Variants in TXNRD1 observed in about 807,000 individuals in gnomAD.
TXNRD1 encodes the protein thioredoxin reductase 1, cytoplasmic.
A neutral mutation model predicts 80.3 loss-of-function variants in TXNRD1; 57 were observed. The ratio of observed to expected loss-of-function variants is 0.71; its 90% CI spans 0.57 to 0.89. The LOEUF is 0.89. TXNRD1 is among the 40% of genes least tolerant of loss of function. The probability of loss-of-function intolerance (pLI) is 0.00; values close to 1 mark genes in which losing one functional copy is unlikely to be tolerated. For missense variants in TXNRD1, 730 were observed against 803.0 expected, an observed-to-expected ratio of 0.91 and a Z score of 1.10; for synonymous variants, 291 against 285.2, an observed-to-expected ratio of 1.02 and a Z score of -0.20.
chr12:104,273,037 T>G (rs1332545656), intron 3 of TXNRD1, among the ~76,000 whole-genome samples: 1 of 151,988 alleles, frequency 6.6e-6, no homozygotes, highest in Non-Finnish European at 1.5e-5. Flanking sequence ...AGTCTCCGGC[T>G]GCGGCTGCGA....
intron 5 of TXNRD1, among the ~76,000 whole-genome samples, chr12:104,312,725 C>T (rs1003380270): frequency 2.6e-5 from 4 of 152,108 alleles, no homozygotes; most frequent in Admixed American, 6.5e-5. Flanking sequence ...TTTTCATGAG[C>T]GCCTCATGTG....
chr12:104,243,835 G>A (rs1336470400), intron 1 of TXNRD1, among the ~76,000 whole-genome samples: 1 of 152,200 alleles, frequency 6.6e-6, no homozygotes, highest in African/African-American at 2.4e-5. Context: ...GTTTTAGTCT[G>A]TGTTTAGCCT....
intron 3 of TXNRD1, chr12:104,288,580 A>C: frequency 3.0e-6 from 1 of 337,394 alleles, no homozygotes; most frequent in Non-Finnish European, 5.3e-6. Flanking sequence ...ACGTGTATTA[A>C]GCTTCTTTTT....
chr12:104,333,338 G>C (rs1235646354), intron 14 of TXNRD1, among the ~76,000 whole-genome samples: 1 of 151,706 alleles, frequency 6.6e-6, no homozygotes, highest in African/African-American at 2.4e-5. Flanking sequence ...AATTTGCTTT[G>C]TTATTATAGA....
chr12:104,304,965 G>GT (rs747613307), intron 4 of TXNRD1: 100 of 1,530,088 alleles, frequency 6.5e-5, no homozygotes, highest in Admixed American at 1.4e-4. Context: ...TCCTTTTTGT[G>GT]TTTTTTTTCT....
chr12:104,304,096 CCGGGAGGACATCGTGAGCT>C, intron 4 of TXNRD1: 1 of 1,614,004 alleles, frequency 6.2e-7, no homozygotes, highest in Admixed American at 1.7e-5. Flanking sequence ...TGCGGCAGAA[CCGGGAGGACATCGTGAGCT>C]CGGCGAACAA....
intron 1 of TXNRD1, among the ~76,000 whole-genome samples, chr12:104,226,610 T>C (rs2032479589): frequency 1.3e-5 from 2 of 152,214 alleles, no homozygotes; most frequent in South Asian, 2.1e-4. Context: ...TAGTTTCTGT[T>C]ATATCCTTAA....
chr12:104,269,958 A>G (rs1291053001), intron 3 of TXNRD1, among the ~76,000 whole-genome samples: 1 of 151,932 alleles, frequency 6.6e-6, no homozygotes, highest in African/African-American at 2.4e-5. Context: ...AAGCAATCCT[A>G]CGTTGGCCTC....
chr12:104,276,132 C>T (rs2033752073), intron 3 of TXNRD1, among the ~76,000 whole-genome samples: 1 of 152,100 alleles, frequency 6.6e-6, no homozygotes, highest in East Asian at 1.9e-4. Flanking sequence ...GACCTGGGCA[C>T]ATTTGAAGGC....
intron 7 of TXNRD1, 42 bp downstream of exon 7, chr12:104,315,938 G>T: frequency 6.4e-7 from 1 of 1,566,402 alleles, no homozygotes; most frequent in Non-Finnish European, 8.7e-7. Flanking sequence ...TGCTTTTGGG[G>T]GTTTGAGCTG....
intron 4 of TXNRD1, chr12:104,304,410 C>G: frequency 1.2e-6 from 2 of 1,614,014 alleles, no homozygotes; most frequent in Non-Finnish European, 1.7e-6. Flanking sequence ...AAGGAAGCAA[C>G]ATCCTGGATG....
intron 3 of TXNRD1, among the ~76,000 whole-genome samples, chr12:104,277,379 A>C (rs2033778140): frequency 6.7e-6 from 1 of 148,158 alleles, no homozygotes; most frequent in African/African-American, 2.5e-5. Flanking sequence ...CAGCCTGGGC[A>C]ACAAAGTAAG....
chr12:104,347,545 G>C (rs1415768554), intron 16 of TXNRD1, among the ~76,000 whole-genome samples: 1 of 152,138 alleles, frequency 6.6e-6, no homozygotes, highest in African/African-American at 2.4e-5. Flanking sequence ...TGAAAATCTA[G>C]TCAAGCCAAA....
In TXNRD1 at chr12:104,348,512, G is replaced by A; in HGVS notation, c.*91G>A. 7.7e-7 allele frequency: 1 copy of A among 1,299,142 alleles called. No individual in the cohort carries two copies. Among genetic ancestry groups the A allele is most frequent in the Non-Finnish European group, 1.1e-6 (1 of 902,796 alleles). 80.5% of individuals were successfully genotyped at this position (1,299,142 alleles called of 1,614,324 possible). A position where few individuals can be genotyped will look rare whatever the true frequency, so the allele number is the denominator to read the frequency against. ...GCGAAGTTTTCTAGAGGGTTCTTGG[G>A]CTCTTGGCACCTGCGTGTCCTGTGC... On this transcript the variant is annotated 3_prime_UTR_variant, in exon 17 of 17. Coordinates refer to ENST00000525566, the MANE Select transcript of TXNRD1 (RefSeq NM_001093771.3).
rs747967804 is a variant in TXNRD1, at chr12:104,327,600, G to A, written c.1471G>A (p.Glu491Lys). The A allele has an allele frequency of 7.4e-6, 12 of 1,613,574 alleles. No individual in the cohort carries two copies. Among genetic ancestry groups the A allele is most frequent in the Non-Finnish European group, 1.0e-5 (12 of 1,179,818 alleles). The part of the protein sequence containing the change: ...AIGDILEDKV[E>K]LTPVAIQAGR... ...TGGCGATATATTGGAGGATAAGGTG[G>A]AGCTCACCCCAGTTGCAATCCAGGC... is the stretch of plus-strand genomic sequence containing the variant. The change falls in exon 13 of 17, where the codon GAG becomes AAG. Residue 491 changes from glutamate to lysine, a missense_variant. Physicochemically the swap from Glu to Lys is moderately conservative, Grantham distance 56. Coordinates refer to ENST00000525566, the MANE Select transcript of TXNRD1 (RefSeq NM_001093771.3).
At chr12:104,271,977 G>A (rs2033661657) in intron 3 of TXNRD1, among the ~76,000 whole-genome samples, 1 of 151,974 alleles carries the variant, frequency 6.6e-6, no homozygotes, top group Non-Finnish European at 1.5e-5. Flanking sequence ...AATCCCAGTG[G>A]CCAACATGGT....
At chr12:104,228,869 G>A (rs1337975289) in intron 1 of TXNRD1, among the ~76,000 whole-genome samples, 3 of 150,774 alleles carry the variant, frequency 2.0e-5, no homozygotes, top group Non-Finnish European at 3.0e-5. Flanking sequence ...ACAGGCGCCC[G>A]CCACCACACC....
intron 4 of TXNRD1, chr12:104,304,041 A>G (rs2034769239): frequency 1.2e-6 from 2 of 1,613,590 alleles, no homozygotes; most frequent in Middle Eastern, 1.7e-4. Context: ...GACGAGGAGA[A>G]GTGCCGCAGC....
At chr12:104,241,416 G>C (rs73394538) in intron 1 of TXNRD1, among the ~76,000 whole-genome samples, 28,091 of 151,898 alleles carry the variant, frequency 0.18, 2,872 homozygotes, top group African/African-American at 0.28. Context: ...TTGTTGCCCA[G>C]GCTGGAGAGC....
Sources: allele counts gnomAD v4.1 joint callset (sites outside exome capture counted in the v4.1 genomes callset), GRCh38; gene constraint gnomAD v4.1.1; transcripts MANE v1.5; gene names NCBI Gene and HGNC (gene_info 2026-07-23, HGNC 2026-07-21).